Variants in STK39 observed in about 807,000 individuals in gnomAD.
STK39 encodes the protein STE20/SPS1-related proline-alanine-rich protein kinase.
Under a neutral mutation model 77.8 loss-of-function variants are expected in STK39, and 20 were observed. The observed-to-expected ratio is 0.26, with a 90% CI of 0.18 to 0.37. STK39 has a LOEUF of 0.37. Ranked by LOEUF, STK39 falls within the 10% of genes least tolerant of loss-of-function variation. The probability of loss-of-function intolerance (pLI) is 1.00; values close to 1 mark genes in which losing one functional copy is unlikely to be tolerated. For missense variants in STK39, 479 were observed against 656.5 expected (o/e 0.73, Z 2.95); for synonymous variants, 246 against 234.1 (o/e 1.05, Z -0.47).
intron 1 of STK39, among the ~76,000 whole-genome samples, chr2:168,246,897 G>C (rs1434140518): frequency 1.3e-5 from 2 of 151,772 alleles, no homozygotes; most frequent in African/African-American, 2.4e-5. Context: ...CCGGCACGCG[G>C]GGGGAGGAAG....
At chr2:168,239,620 A>G (rs1331633738) in intron 1 of STK39, among the ~76,000 whole-genome samples, 3 of 152,252 alleles carry the variant, frequency 2.0e-5, no homozygotes, top group Non-Finnish European at 4.4e-5. Flanking sequence ...GCAAATTTTT[A>G]GACGTCAGGC....
chr2:168,114,777 T>G (rs1016777963), intron 10 of STK39, among the ~76,000 whole-genome samples: 7 of 143,682 alleles, frequency 4.9e-5, no homozygotes, highest in African/African-American at 1.7e-4. Flanking sequence ...ACATCGGACC[T>G]CATAACAAGC....
chr2:168,113,140 A>G (rs1176779878), intron 10 of STK39: 1 of 152,192 alleles, frequency 6.6e-6, no homozygotes, highest in African/African-American at 2.4e-5. Context: ...CTATGTCCAT[A>G]CCAGGATATG....
chr2:168,201,191 C>T (rs761100903), intron 1 of STK39, among the ~76,000 whole-genome samples: 28 of 152,216 alleles, frequency 1.8e-4, no homozygotes, highest in Non-Finnish European at 3.1e-4. Context: ...CTGCCTCACA[C>T]TTTCATTTAT....
At chr2:168,117,910 G>T (rs1184502793) in intron 10 of STK39, among the ~76,000 whole-genome samples, 2 of 151,972 alleles carry the variant, frequency 1.3e-5, no homozygotes, top group Non-Finnish European at 2.9e-5. Context: ...TTTCAATCAG[G>T]GAGAAAAGAC....
At chr2:168,088,614 A>G (rs555340972) in intron 10 of STK39, among the ~76,000 whole-genome samples, 1 of 152,342 alleles carries the variant, frequency 6.6e-6, no homozygotes, top group African/African-American at 2.4e-5. Context: ...AATAGTATGT[A>G]GCCAGTAACA....
At chr2:168,216,363 T>G (rs1269166421) in intron 1 of STK39, among the ~76,000 whole-genome samples, 2 of 152,234 alleles carry the variant, frequency 1.3e-5, no homozygotes, top group Non-Finnish European at 2.9e-5. Flanking sequence ...TGGGTTTTTG[T>G]TTTGTTTTGA....
intron 16 of STK39, among the ~76,000 whole-genome samples, chr2:168,004,587 G>A (rs942283274): frequency 6.6e-6 from 1 of 151,874 alleles, no homozygotes; most frequent in African/African-American, 2.4e-5. Flanking sequence ...AAAAAAATTA[G>A]CCTGACATGG....
At chr2:168,141,718 C>T (rs779212927) in intron 5 of STK39, among the ~76,000 whole-genome samples, 5 of 152,238 alleles carry the variant, frequency 3.3e-5, no homozygotes, top group South Asian at 2.1e-4. Context: ...AACACCACAG[C>T]GCAATGTGCA....
At chr2:168,135,405 A>T (rs1687805621) in intron 8 of STK39, among the ~76,000 whole-genome samples, 1 of 152,202 alleles carries the variant, frequency 6.6e-6, no homozygotes, top group Non-Finnish European at 1.5e-5. Flanking sequence ...TTTAAGGCCC[A>T]CTGTACAGAC....
At chr2:167,970,030 C>G (rs1205233524) in intron 16 of STK39, among the ~76,000 whole-genome samples, 12 of 152,186 alleles carry the variant, frequency 7.9e-5, no homozygotes, top group Admixed American at 3.3e-4. Context: ...GGGGCTTGCC[C>G]AGAACCTCTG....
chr2:167,988,109 C>G (rs896125633), intron 16 of STK39, among the ~76,000 whole-genome samples: 1 of 152,076 alleles, frequency 6.6e-6, no homozygotes, highest in Non-Finnish European at 1.5e-5. Context: ...AACCACAGTG[C>G]CTTCTGCCTC....
chr2:168,205,798 G>C (rs183642808), intron 1 of STK39, among the ~76,000 whole-genome samples: 176 of 152,040 alleles, frequency 1.2e-3, no homozygotes, highest in African/African-American at 3.9e-3. Flanking sequence ...GGGCAAGATG[G>C]CAAGACCCTG....
rs148350753 is a variant in STK39, at chr2:168,046,605, A to C, written c.1376+16895T>G. ...GTGAAAGGAAGCAGAGCTGGCCTAT[A>C]TCTCTTCAGAGAGTCCCACAAGGGT... On this transcript the variant is annotated intron_variant, in intron 14 of 17. Coordinates refer to ENST00000355999, the MANE Select transcript of STK39 (RefSeq NM_013233.3). Among the ~76,000 whole-genome samples, 70 of 152,278 alleles carry C rather than the reference A, an allele frequency of 4.6e-4. No individual in the cohort carries two copies. The East Asian group carries it at 0.01, about 22-fold the overall frequency.
chr2:168,182,131 A>C, intron 1 of STK39, 41 bp from the exon 2 acceptor site: 1 of 1,523,574 alleles, frequency 6.6e-7, no homozygotes, highest in Non-Finnish European at 9.1e-7. Flanking sequence ...CAAATGGCAC[A>C]CTGTGAGGTT....
At chr2:168,157,331 A>G (rs1377855849) in intron 5 of STK39, among the ~76,000 whole-genome samples, 1 of 152,202 alleles carries the variant, frequency 6.6e-6, no homozygotes, top group East Asian at 1.9e-4. Flanking sequence ...GTAACTTTCT[A>G]GAGTTCCAGG....
intron 1 of STK39, among the ~76,000 whole-genome samples, chr2:168,190,635 A>C (rs192884259): frequency 2.0e-5 from 3 of 152,282 alleles, no homozygotes; most frequent in African/African-American, 7.2e-5. Context: ...GATGATATAA[A>C]ACACTAAACA....
At chr2:168,088,710 G>A (rs886982802) in intron 10 of STK39, among the ~76,000 whole-genome samples, 8 of 152,002 alleles carry the variant, frequency 5.3e-5, no homozygotes, top group Non-Finnish European at 1.2e-4. Flanking sequence ...ATGAGGAGAG[G>A]CACACATACA....
At chr2:168,156,026 T>A (rs1224313551) in intron 5 of STK39, among the ~76,000 whole-genome samples, 1 of 152,190 alleles carries the variant, frequency 6.6e-6, no homozygotes, top group Non-Finnish European at 1.5e-5. Context: ...CTCTGGGAAG[T>A]ATCCAGTCTG....
Sources: gnomAD v4.1 joint callset for allele counts (sites outside exome capture counted in the v4.1 genomes callset) on GRCh38, gnomAD v4.1.1 for gene constraint, MANE v1.5 for transcripts, NCBI Gene and HGNC (gene_info 2026-07-23, HGNC 2026-07-21) for gene names.